Variants in DLGAP1 observed in about 807,000 individuals in gnomAD.
The protein encoded by DLGAP1 is disks large-associated protein 1.
Under a neutral mutation model 90.8 loss-of-function variants are expected in DLGAP1, and 11 were observed. That is an observed-to-expected ratio of 0.12 (90% confidence interval 0.08 to 0.20). DLGAP1 has a LOEUF of 0.20. Among genes scored for constraint, DLGAP1 ranks in the 10% least tolerant of loss-of-function variants. The probability of loss-of-function intolerance (pLI) is 1.00; values close to 1 mark genes in which losing one functional copy is unlikely to be tolerated. For synonymous variants in DLGAP1, 558 were observed against 540.7 expected (o/e 1.03, Z -0.44); for missense variants, 1,050 against 1,333.8 (o/e 0.79, Z 3.31).
chr18:3,749,108 TCTC>T (rs912538182), intron 5 of DLGAP1, among the ~76,000 whole-genome samples: 6 of 150,560 alleles, frequency 4.0e-5, no homozygotes, highest in Middle Eastern at 3.4e-3. Flanking sequence ...TCCTTCTCCT[TCTC>T]CTCCTCCTCC....
chr18:3,956,775 T>A (rs1054857555), intron 3 of DLGAP1, among the ~76,000 whole-genome samples: 1 of 152,042 alleles, frequency 6.6e-6, no homozygotes, highest in Non-Finnish European at 1.5e-5. Flanking sequence ...CTCAGCCTCC[T>A]GAATAGCTGG....
chr18:4,326,601 T>C (rs754335757), intron 1 of DLGAP1, among the ~76,000 whole-genome samples: 1 of 152,058 alleles, frequency 6.6e-6, no homozygotes, highest in Non-Finnish European at 1.5e-5. Flanking sequence ...TAAATGCACA[T>C]CAATAGTAGA....
intron 1 of DLGAP1, among the ~76,000 whole-genome samples, chr18:4,198,798 T>G (rs756307596): frequency 3.0e-4 from 46 of 152,288 alleles, no homozygotes; most frequent in Non-Finnish European, 5.6e-4. Flanking sequence ...CATTCTGCAG[T>G]TTTTGGAGAA....
intron 1 of DLGAP1, among the ~76,000 whole-genome samples, chr18:4,254,265 T>A (rs879902607): frequency 2.6e-5 from 4 of 152,200 alleles, no homozygotes; most frequent in African/African-American, 9.7e-5. Context: ...CTTCTGTTGA[T>A]GATCCTAATT....
At chr18:3,557,443 A>C (rs955714633) in intron 9 of DLGAP1, among the ~76,000 whole-genome samples, 5 of 152,070 alleles carry the variant, frequency 3.3e-5, no homozygotes, top group Admixed American at 1.3e-4. Context: ...AATCGCTTGA[A>C]CTTGGGAGGC....
At chr18:4,274,034 A>G (rs1274267182) in intron 1 of DLGAP1, among the ~76,000 whole-genome samples, 1 of 144,874 alleles carries the variant, frequency 6.9e-6, no homozygotes, top group Non-Finnish European at 1.5e-5. Flanking sequence ...TCAAATCTTT[A>G]TTATTTGTTT....
intron 7 of DLGAP1, among the ~76,000 whole-genome samples, chr18:3,639,895 C>A (rs1280989611): frequency 6.9e-6 from 1 of 144,774 alleles, no homozygotes; most frequent in East Asian, 1.9e-4. Context: ...GCTGGGACTA[C>A]AGGCGCCCGC....
chr18:3,517,254 C>T lies in DLGAP1; in HGVS notation c.2480-8593G>A, dbSNP rs1233799365. 6.6e-6 allele frequency among the ~76,000 whole-genome samples: 1 copy of T among 152,182 alleles called. No individual in the cohort carries two copies. Among genetic ancestry groups the T allele is most frequent in the Admixed American group, 6.5e-5 (1 of 15,282 alleles). On this transcript the variant is annotated intron_variant, in intron 10 of 12. Coordinates refer to ENST00000315677, the MANE Select transcript of DLGAP1 (RefSeq NM_004746.4). The surrounding 1 kb of genome is among the most constrained non-coding windows in gnomAD (Gnocchi z 4.1). Reference sequence around the variant, plus strand: ...CCCCTAACAAGAGAGTGAGCCTGTCCTTTGAAGCTATGAAAGACCTACATG... The same window carrying T: ...CCCCTAACAAGAGAGTGAGCCTGTCTTTTGAAGCTATGAAAGACCTACATG...
At chr18:4,073,899 T>A (rs1208755875) in intron 2 of DLGAP1, among the ~76,000 whole-genome samples, 2 of 152,060 alleles carry the variant, frequency 1.3e-5, no homozygotes, top group Non-Finnish European at 2.9e-5. Flanking sequence ...TAAGACTTTT[T>A]AAAATAGATA....
At chr18:4,185,871 A>G (rs2077284757) in intron 1 of DLGAP1, among the ~76,000 whole-genome samples, 1 of 152,158 alleles carries the variant, frequency 6.6e-6, no homozygotes, top group African/African-American at 2.4e-5. Flanking sequence ...ACTGCTTTTC[A>G]CAATGATTGA....
At chr18:4,288,051 G>GT (rs1370251779) in intron 1 of DLGAP1, among the ~76,000 whole-genome samples, 17 of 79,556 alleles carry the variant, frequency 2.1e-4, no homozygotes, top group Admixed American at 1.6e-3. Context: ...GAGAATAAAG[G>GT]TGGCAGCTTG....
chr18:4,076,913 C>T (rs1189886770), intron 2 of DLGAP1, among the ~76,000 whole-genome samples: 5 of 152,150 alleles, frequency 3.3e-5, no homozygotes, highest in Admixed American at 1.3e-4. Context: ...GCGTAAACCA[C>T]GGTGCCTGGC....
intron 3 of DLGAP1, among the ~76,000 whole-genome samples, chr18:3,976,670 A>C (rs933160883): frequency 1.3e-5 from 2 of 152,198 alleles, no homozygotes; most frequent in African/African-American, 4.8e-5. Context: ...TGTACTTATA[A>C]CTTTGTATTT....
At chr18:3,970,767 T>G (rs768419111) in intron 3 of DLGAP1, among the ~76,000 whole-genome samples, 1 of 152,132 alleles carries the variant, frequency 6.6e-6, no homozygotes, top group Non-Finnish European at 1.5e-5. Flanking sequence ...ACATTAATAT[T>G]AACATTAAAA....
chr18:3,810,249 A>C (rs2066764971), intron 5 of DLGAP1, among the ~76,000 whole-genome samples: 1 of 152,180 alleles, frequency 6.6e-6, no homozygotes, highest in Non-Finnish European at 1.5e-5. Context: ...AGAATGTTTA[A>C]CTGACCTTAG....
At chr18:3,523,571 GGT>G (rs2051358205) in intron 10 of DLGAP1, among the ~76,000 whole-genome samples, 1 of 151,770 alleles carries the variant, frequency 6.6e-6, no homozygotes, top group African/African-American at 2.4e-5. Context: ...GGTCCGACCA[GGT>G]GCGGTGGCTC....
At chr18:4,088,014 T>C (rs946418548) in intron 2 of DLGAP1, among the ~76,000 whole-genome samples, 1 of 151,788 alleles carries the variant, frequency 6.6e-6, no homozygotes, top group Non-Finnish European at 1.5e-5. Context: ...TTTCTGTTTT[T>C]TTAATTAAAT....
chr18:3,579,461 T>A (rs143995109), intron 8 of DLGAP1, among the ~76,000 whole-genome samples: 50 of 152,308 alleles, frequency 3.3e-4, no homozygotes, highest in African/African-American at 1.0e-3. Context: ...CCACCCGCCT[T>A]GGCCTCCCAA....
intron 1 of DLGAP1, among the ~76,000 whole-genome samples, chr18:4,206,625 T>C (rs2077726472): frequency 6.6e-6 from 1 of 152,162 alleles, no homozygotes; most frequent in Non-Finnish European, 1.5e-5. Context: ...ATAAGGGAAT[T>C]CCTTGCATAC....
Sources: allele counts gnomAD v4.1 joint callset (sites outside exome capture counted in the v4.1 genomes callset), GRCh38; gene constraint gnomAD v4.1.1; non-coding constraint Gnocchi (gnomAD v3.1); transcripts MANE v1.5; gene names NCBI Gene and HGNC (gene_info 2026-07-23, HGNC 2026-07-21).